GPR149: variants seen among roughly 807,000 people sequenced by gnomAD.
GPR149 encodes the protein probable G protein-coupled receptor 149.
A neutral mutation model predicts 50.2 loss-of-function variants in GPR149; 50 were observed. The observed-to-expected ratio is 1.00, with a 90% CI of 0.79 to 1.26. GPR149 has a LOEUF of 1.26. Ranked by LOEUF, GPR149 falls within the 50% of genes most tolerant of loss-of-function variation. The pLI is 0.00. For missense variants in GPR149, 983 were observed against 895.4 expected, an observed-to-expected ratio of 1.10 and a Z score of -1.25; for synonymous variants, 405 against 358.2, an observed-to-expected ratio of 1.13 and a Z score of -1.48.
intron 1 of GPR149, among the ~76,000 whole-genome samples, 187 bp from the exon 2 acceptor site, chr3:154,427,895 C>T (rs1712352651): frequency 6.6e-6 from 1 of 152,160 alleles, no homozygotes; most frequent in Admixed American, 6.5e-5. Context: ...GGCACACCCC[C>T]AGGGTTGGGA....
intron 3 of GPR149, among the ~76,000 whole-genome samples, chr3:154,398,464 C>A (rs1287333678): frequency 6.6e-6 from 1 of 151,984 alleles, no homozygotes; most frequent in Non-Finnish European, 1.5e-5. Context: ...TTTTAATGGT[C>A]TTTTATCCTA....
intron 3 of GPR149, among the ~76,000 whole-genome samples, chr3:154,391,387 T>C (rs1715165344): frequency 6.6e-6 from 1 of 151,802 alleles, no homozygotes; most frequent in South Asian, 2.1e-4. Context: ...TAGAATAAAC[T>C]GTTATGACTA....
chr3:154,427,807 C>T, intron 1 of GPR149, 99 bp from the exon 2 acceptor site: 1 of 1,136,276 alleles, frequency 8.8e-7, no homozygotes, highest in Non-Finnish European at 1.2e-6. Flanking sequence ...TTTCCAGTTC[C>T]TTCTCCTGAT....
At chr3:154,426,871 CGTGTGTGTGTGTGTGTGTGTGT>C (rs61087162) in intron 2 of GPR149, among the ~76,000 whole-genome samples, 2 of 144,434 alleles carry the variant, frequency 1.4e-5, no homozygotes, top group Non-Finnish European at 1.5e-5. Flanking sequence ...TGGACCAGGG[CGTGTGTGTGTGTGTGTGTGTGT>C]GTGTGTGTGT....
intron 3 of GPR149, among the ~76,000 whole-genome samples, chr3:154,375,456 A>T (rs1480175418): frequency 2.6e-5 from 4 of 152,166 alleles, no homozygotes; most frequent in Non-Finnish European, 5.9e-5. Context: ...AATTGAAGCT[A>T]AAACATTATT....
chr3:154,356,650 A>T (rs887692649), intron 3 of GPR149, among the ~76,000 whole-genome samples: 2 of 152,176 alleles, frequency 1.3e-5, no homozygotes, highest in Non-Finnish European at 2.9e-5. Flanking sequence ...TTTCAAGGAG[A>T]ACTACAAACC....
intron 3 of GPR149, among the ~76,000 whole-genome samples, chr3:154,363,295 T>C (rs76601062): frequency 0.03 from 3,528 of 119,414 alleles, 49 homozygotes; most frequent in Middle Eastern, 0.056. Flanking sequence ...CAGTACACTT[T>C]TGCTGCTATA....
chr3:154,410,621 C>G (rs1711807606), intron 3 of GPR149, among the ~76,000 whole-genome samples: 1 of 152,128 alleles, frequency 6.6e-6, no homozygotes, highest in South Asian at 2.1e-4. Context: ...GATAAAAGAA[C>G]TAGTCCAACA....
rs1039084107 is a variant in GPR149, at chr3:154,335,901, CTAAGTT to C, written c.*1792_*1797del. ...CTTTCTCTTTCAGAAAATTATACAT[CTAAGTT>C]TAAGATATCAAAGCCTATCTTCTAC... On this transcript the variant is annotated 3_prime_UTR_variant, in exon 4 of 4. Coordinates refer to ENST00000389740, the MANE Select transcript of GPR149 (RefSeq NM_001038705.3). 1.3e-5 allele frequency: 2 copies of C among 152,034 alleles called. No individual in the cohort carries two copies. The highest frequency in any genetic ancestry group is 4.8e-5 in the African/African-American group (2 of 41,420). The allele number at this position is 152,034 out of a possible 1,614,324, so 9.4% of individuals were successfully genotyped here. A position where few individuals can be genotyped will look rare whatever the true frequency, so the allele number is the denominator to read the frequency against.
At chr3:154,426,028 T>A (rs1478517979) in intron 2 of GPR149, among the ~76,000 whole-genome samples, 1 of 152,198 alleles carries the variant, frequency 6.6e-6, no homozygotes, top group East Asian at 1.9e-4. Context: ...ACTAGTTTAG[T>A]GGCAAAATGC....
chr3:154,402,997 C>T (rs894936354), intron 3 of GPR149, among the ~76,000 whole-genome samples: 1 of 152,144 alleles, frequency 6.6e-6, no homozygotes, highest in Non-Finnish European at 1.5e-5. Context: ...ATTGCAAGGG[C>T]AACTAAGTAA....
chr3:154,356,784 C>A (rs1159800393), intron 3 of GPR149, among the ~76,000 whole-genome samples: 1 of 152,044 alleles, frequency 6.6e-6, no homozygotes, highest in Non-Finnish European at 1.5e-5. Context: ...TCAATGCCAT[C>A]CCCATCAAGC....
intron 3 of GPR149, among the ~76,000 whole-genome samples, chr3:154,356,524 T>C (rs1022308643): frequency 1.3e-5 from 2 of 152,140 alleles, no homozygotes; most frequent in African/African-American, 4.8e-5. Context: ...ACAAGCATTC[T>C]TGTACACCAA....
At chr3:154,353,988 T>C in intron 3 of GPR149, 1 of 461,654 alleles carries the variant, frequency 2.2e-6, no homozygotes, top group Non-Finnish European at 4.1e-6. Flanking sequence ...TGAGTAGAAC[T>C]ATCTAAGGAT....
intron 3 of GPR149, among the ~76,000 whole-genome samples, chr3:154,377,525 C>G (rs1365630684): frequency 6.6e-6 from 1 of 151,900 alleles, no homozygotes; most frequent in Admixed American, 6.6e-5. Context: ...CGCCACCATG[C>G]CTAGCTAATT....
In GPR149 at chr3:154,356,869, G is replaced by A. The variant is rs1490487425; in HGVS notation, c.1624-18598C>T. Among the ~76,000 whole-genome samples the A allele has an allele frequency of 5.9e-5, 9 of 152,170 alleles. No homozygotes were observed. In the East Asian group the frequency reaches 7.7e-4, roughly 13 times the overall value. Reference sequence around the variant, plus strand: ...ATGGAACCAAAAAAGGGCCCGCATCGCCAAGTCAATCCTAAGACAAAAGAA... The same window carrying A: ...ATGGAACCAAAAAAGGGCCCGCATCACCAAGTCAATCCTAAGACAAAAGAA... On this transcript the variant is annotated intron_variant, in intron 3 of 3. Transcript: ENST00000389740.
At position 154,339,828 on chromosome 3, in the gene GPR149, C is replaced by T. The variant is rs1177119484; in HGVS notation, c.1624-1557G>A. 4.5e-5 allele frequency among the ~76,000 whole-genome samples: 6 copies of T among 134,290 alleles called. No individual in the cohort carries two copies. In the East Asian group the frequency reaches 6.2e-4, roughly 14 times the overall value. 88.1% of individuals were successfully genotyped at this position (134,290 alleles called of 152,430 possible). A position where few individuals can be genotyped will look rare whatever the true frequency, so the allele number is the denominator to read the frequency against. On this transcript the variant is annotated intron_variant, in intron 3 of 3. Coordinates refer to ENST00000389740, the MANE Select transcript of GPR149 (RefSeq NM_001038705.3). ...TTTTTGAGACGAAGTCTCCCTCTGT[C>T]GCCCAGGCTGGAATGCAGTGGCTCG...
At chr3:154,357,871 CAA>C (rs956084128) in intron 3 of GPR149, among the ~76,000 whole-genome samples, 79 of 152,254 alleles carry the variant, frequency 5.2e-4, no homozygotes, top group Admixed American at 1.2e-3. Flanking sequence ...TTCACAATAG[CAA>C]AGACTTGGAT....
At chr3:154,421,005 T>C in intron 3 of GPR149, 34 bp downstream of exon 3, 1 of 1,470,826 alleles carries the variant, frequency 6.8e-7, no homozygotes, top group Non-Finnish European at 9.2e-7. Flanking sequence ...TAGTATCACT[T>C]TCAATTTAAC....
Sources: allele counts gnomAD v4.1 joint callset (sites outside exome capture counted in the v4.1 genomes callset), GRCh38; gene constraint gnomAD v4.1.1; transcripts MANE v1.5; gene names NCBI Gene and HGNC (gene_info 2026-07-23, HGNC 2026-07-21).